The following NLRP9 variants were observed in gnomAD, a reference collection of about 807,000 sequenced individuals.
The protein encoded by NLRP9 is NACHT, LRR and PYD domains-containing protein 9.
NLRP9 carries 88 observed loss-of-function variants against 83.1 expected under a neutral mutation model. That is an observed-to-expected ratio of 1.06 (90% CI 0.89 to 1.26). The LOEUF (loss-of-function observed/expected upper bound fraction) is 1.26. Among genes scored for constraint, NLRP9 ranks in the 50% most tolerant of loss-of-function variants. The pLI, the probability that NLRP9 is intolerant of heterozygous loss-of-function variation, is 0.00. For synonymous variants in NLRP9, 521 were observed against 447.6 expected, an observed-to-expected ratio of 1.16 and a Z score of -2.07; for missense variants, 1,308 against 1,179.3, an observed-to-expected ratio of 1.11 and a Z score of -1.60.
rs188881590 is a variant in NLRP9, at chr19:55,735,693, T to A, written c.281-2143A>T. Among the ~76,000 whole-genome samples the A allele has an allele frequency of 9.0e-3, 1,277 of 142,302 alleles. 26 individuals are homozygous for A. Among genetic ancestry groups the A allele is most frequent in the African/African-American group, 0.031 (1,109 of 35,428 alleles). 93.4% of individuals were successfully genotyped at this position (142,302 alleles called of 152,430 possible). On this transcript the variant is annotated intron_variant, in intron 1 of 8. Coordinates refer to ENST00000332836, the MANE Select transcript of NLRP9 (RefSeq NM_176820.4). ...AAACACTATGCTATTTATTAAAAAATTTTTTTTTTTAGACAGAGTCTCATC... is the reference window on the plus strand; with the variant it reads ...AAACACTATGCTATTTATTAAAAAAATTTTTTTTTTAGACAGAGTCTCATC...
rs2122325081 is a variant in NLRP9 at position 55,729,857 on chromosome 19, C to G, written c.1968G>C (p.Gln656His). The G allele has an allele frequency of 1.2e-6, 2 of 1,613,370 alleles. No homozygotes were observed. Among genetic ancestry groups the G allele is most frequent in the African/African-American group, 2.7e-5 (2 of 74,992 alleles). ...SLAILCKALA[Q>H]PVCKLRKLIF... ...TGAGTTTTCGGAGTTTACAAACAGGCTGAGCCAGCGCTTTGCAAAGAATCG... is the reference window on the plus strand; with the variant it reads ...TGAGTTTTCGGAGTTTACAAACAGGGTGAGCCAGCGCTTTGCAAAGAATCG... The change falls in exon 3 of 9, where the codon CAG (glutamine) becomes CAC (histidine). Residue 656 changes from glutamine to histidine, a missense_variant. Transcript: ENST00000332836.
At chr19:55,736,177 G>T (rs912508486) in intron 1 of NLRP9, among the ~76,000 whole-genome samples, 2 of 151,670 alleles carry the variant, frequency 1.3e-5, no homozygotes, top group Admixed American at 1.3e-4. Context: ...GGATCATGAG[G>T]TCAGGAGATC....
intron 1 of NLRP9, among the ~76,000 whole-genome samples, chr19:55,734,013 C>T (rs10406224): frequency 0.092 from 13,677 of 149,132 alleles, 738 homozygotes; most frequent in African/African-American, 0.14. Flanking sequence ...AGCTCCGCCT[C>T]CCGGGTTCAC....
rs1403604042 is a variant in NLRP9, at chr19:55,732,518, C to T, written c.1313G>A (p.Gly438Glu). The T allele has an allele frequency of 1.9e-5, 30 of 1,614,206 alleles. No homozygotes were observed. The highest frequency in any genetic ancestry group is 2.5e-5 in the Non-Finnish European group (30 of 1,180,040). ...WVGMRLLQRR[G>E]DCFAFMHLCI... ...CAGATGCATGAAGGCAAAACAGTCC[C>T]CTCTCCTTTGGAGGAGTCTCATACC... The change falls in exon 2 of 9, where the codon GGG (glycine) becomes GAG (glutamate). Residue 438 changes from glycine to glutamate, a missense_variant. Transcript: ENST00000332836.
At position 55,708,642 on chromosome 19, in the gene NLRP9, G is replaced by A. The variant is rs1050996308; in HGVS notation, c.*270C>T. On this transcript the variant is annotated 3_prime_UTR_variant, in exon 9 of 9. Coordinates refer to ENST00000332836, the MANE Select transcript of NLRP9 (RefSeq NM_176820.4). Reference sequence around the variant, plus strand: ...AAAATAAAGCCATGCTTTCCAGAGCGTTTAGCACTTGTTTAACGTACTTGT... The same window carrying A: ...AAAATAAAGCCATGCTTTCCAGAGCATTTAGCACTTGTTTAACGTACTTGT... 2.5e-5 allele frequency: 7 copies of A among 285,222 alleles called. No individual in the cohort carries two copies. The highest frequency in any genetic ancestry group is 2.4e-4 in the East Asian group (4 of 16,418). 17.7% of individuals were successfully genotyped at this position (285,222 alleles called of 1,614,324 possible). A position where few individuals can be genotyped will look rare whatever the true frequency, so the allele number is the denominator to read the frequency against.
chr19:55,711,244 A>T, intron 8 of NLRP9: 1 of 471,674 alleles, frequency 2.1e-6, no homozygotes. Flanking sequence ...TTTGTTTTTT[A>T]AAAAATAAAA....
At position 55,730,107 on chromosome 19, in the gene NLRP9, G is replaced by C. The variant is rs547882818; in HGVS notation, c.1833-115C>G. ...TCAAAGCTGACAGACACCCAGGCCT[G>C]AACAGGGAGAAGGTCAGCCAGGTAA... is the stretch of plus-strand genomic sequence containing the variant. On this transcript the variant is annotated intron_variant, in intron 2 of 8. Transcript: ENST00000332836. 1.7e-5 allele frequency: 15 copies of C among 892,072 alleles called. No homozygotes were observed. In the East Asian group the frequency reaches 3.5e-4, roughly 21 times the overall value. The allele number at this position is 892,072 out of a possible 1,614,324, so 55.3% of individuals were successfully genotyped here.
intron 4 of NLRP9, among the ~76,000 whole-genome samples, chr19:55,717,753 TC>T (rs1459133747): frequency 6.6e-6 from 1 of 152,218 alleles, no homozygotes; most frequent in East Asian, 1.9e-4. Flanking sequence ...TCCTGACACT[TC>T]CCAGAGGAGC....
intron 8 of NLRP9, 119 bp from the exon 9 acceptor site, chr19:55,709,163 G>C: frequency 1.6e-6 from 1 of 631,606 alleles, no homozygotes; most frequent in Non-Finnish European, 2.5e-6. Context: ...ATCACTGGGA[G>C]AATTGTACTG....
rs575950491 is a variant in NLRP9, at chr19:55,716,730, C to T, written c.2328G>A (p.Leu776=). Residue 776 remains leucine, a splice_region_variant and synonymous_variant, in exon 5 of 9, where the codon CTG becomes CTA. Transcript: ENST00000332836. ...GTGCTTCCCGCAGACCAACTTACAT[C>T]AGCCTCTCCAGGGCACAGTGTGAGT... ...LKHSHCALER[L]MLMYCCLTSV... is the part of the protein sequence containing the mutation. The T allele has an allele frequency of 6.2e-7, 1 of 1,613,062 alleles. No homozygotes were observed. The highest frequency in any genetic ancestry group is 1.7e-5 in the Admixed American group (1 of 60,000).
rs776287564 is a variant in NLRP9, at chr19:55,728,449, G to A, written c.1994+1382C>T. 9.2e-5 allele frequency among the ~76,000 whole-genome samples: 14 copies of A among 152,142 alleles called. 1 individual carries two copies. The highest frequency in any genetic ancestry group is 1.5e-5 in the Non-Finnish European group (1 of 68,038). On this transcript the variant is annotated intron_variant, in intron 3 of 8. Transcript: ENST00000332836. ...TAGCCAGGCGTCGTGGTGCATGCCT[G>A]TAATCCCAGTTACTCGGGAGACTGA...
At position 55,708,888 on chromosome 19, in the gene NLRP9, A is replaced by C. The variant is rs1405833943; in HGVS notation, c.*24T>G. 6.7e-7 allele frequency: 1 copy of C among 1,501,000 alleles called. No homozygotes were observed. Among genetic ancestry groups the C allele is most frequent in the Non-Finnish European group, 8.9e-7 (1 of 1,129,548 alleles). 93.0% of individuals were successfully genotyped at this position (1,501,000 alleles called of 1,614,324 possible). A position where few individuals can be genotyped will look rare whatever the true frequency, so the allele number is the denominator to read the frequency against. ...TGTGGCCAAGGAAAGCCTTTGTGAG[A>C]CGACTACTTCAGGGTGTTCCCCATC... is the stretch of plus-strand genomic sequence containing the variant. On this transcript the variant is annotated 3_prime_UTR_variant, in exon 9 of 9. Transcript: ENST00000332836.
intron 4 of NLRP9, among the ~76,000 whole-genome samples, chr19:55,721,221 T>C (rs1220110168): frequency 6.6e-6 from 1 of 152,230 alleles, no homozygotes; most frequent in Non-Finnish European, 1.5e-5. Context: ...TGGTGGAAGT[T>C]GGGTGGTGAT....
intron 8 of NLRP9, among the ~76,000 whole-genome samples, chr19:55,710,220 T>C (rs1468750924): frequency 1.3e-5 from 2 of 152,032 alleles, no homozygotes; most frequent in Admixed American, 6.6e-5. Context: ...GGAGACATTA[T>C]TATTATTATT....
In NLRP9 at chr19:55,729,954, G is replaced by T. The variant is rs764727195; in HGVS notation, c.1871C>A (p.Ser624Ter). The change falls in exon 3 of 9, where the codon TCA becomes TAA. Residue 624 changes from serine (S) to a stop codon, truncating the protein, a stop_gained. Transcript: ENST00000332836. LOFTEE classifies it high-confidence loss of function. ...EKLVYWRELC[S>*]MFITNKNFQI... ...GAAGTTCTTGTTGGTAATGAACATT[G>T]AGCAAAGCTCCCGCCAGTAGACGAG... The T allele has an allele frequency of 1.4e-5, 23 of 1,612,892 alleles. No individual in the cohort carries two copies. The Admixed American group carries it at 2.7e-4, about 19-fold the overall frequency.
intron 6 of NLRP9, among the ~76,000 whole-genome samples, chr19:55,714,815 G>C (rs1458525036): frequency 6.6e-6 from 1 of 152,082 alleles, no homozygotes; most frequent in Non-Finnish European, 1.5e-5. Context: ...ATGGTGGAAG[G>C]GGCAGAAGAG....
At chr19:55,729,250 T>A (rs1988498097) in intron 3 of NLRP9, among the ~76,000 whole-genome samples, 1 of 148,446 alleles carries the variant, frequency 6.7e-6, no homozygotes, top group African/African-American at 2.5e-5. Context: ...TTTTTTTTTA[T>A]TATACTTTAA....
At chr19:55,729,732 C>A in intron 3 of NLRP9, 99 bp downstream of exon 3, 1 of 921,594 alleles carries the variant, frequency 1.1e-6, no homozygotes. Context: ...CACTGGATTG[C>A]CGCTCTGCAT....
chr19:55,716,990 T>C (rs911546359), intron 4 of NLRP9, 92 bp from the exon 5 acceptor site: 26 of 964,538 alleles, frequency 2.7e-5, no homozygotes, highest in Non-Finnish European at 4.0e-5. Flanking sequence ...CTGATTCTAG[T>C]CTTGCACCTG....
Sources: allele counts gnomAD v4.1 joint callset (sites outside exome capture counted in the v4.1 genomes callset), GRCh38; gene constraint gnomAD v4.1.1; transcripts MANE v1.5; gene names NCBI Gene and HGNC (gene_info 2026-07-23, HGNC 2026-07-21).